Variants in FIGN observed in about 807,000 individuals in gnomAD.
FIGN encodes fidgetin, microtubule severing factor, also known as fidgetin.
Under a neutral mutation model 51.3 loss-of-function variants are expected in FIGN, and 11 were observed. That is an observed-to-expected ratio of 0.21 (90% CI 0.13 to 0.35). The LOEUF (loss-of-function observed/expected upper bound fraction) is 0.35. FIGN is among the 10% of genes least tolerant of loss of function. The pLI is 1.00. For synonymous variants in FIGN, 407 were observed against 363.2 expected (o/e 1.12, Z -1.37); for missense variants, 857 against 943.6 (o/e 0.91, Z 1.20).
chr2:163,623,214 G>A (rs1683001159), intron 2 of FIGN, among the ~76,000 whole-genome samples: 1 of 152,076 alleles, frequency 6.6e-6, no homozygotes, highest in Admixed American at 6.6e-5. Flanking sequence ...TGCTTTACTA[G>A]CTTTATTATA....
rs71297448 is a variant in FIGN at position 163,629,952 on chromosome 2, C to CTTTTTTTT, written c.26-18154_26-18147dup. ...CCAACATAGGGTGAAGAAAGGGGCA[C>CTTTTTTTT]TTTTTTTTTTTTTTTTTTTTTTTTT... On this transcript the variant is annotated intron_variant, in intron 2 of 2. Coordinates refer to ENST00000333129, the MANE Select transcript of FIGN (RefSeq NM_018086.4). Among the ~76,000 whole-genome samples, 29 of 56,930 alleles carry CTTTTTTTT rather than the reference C, an allele frequency of 5.1e-4. 2 individuals carry two copies. Among genetic ancestry groups the CTTTTTTTT allele is most frequent in the African/African-American group, 1.9e-3 (25 of 13,352 alleles). 37.3% of individuals were successfully genotyped at this position (56,930 alleles called of 152,430 possible).
intron 2 of FIGN, among the ~76,000 whole-genome samples, chr2:163,734,349 CA>C (rs564418276): frequency 2.1e-4 from 30 of 144,226 alleles, no homozygotes; most frequent in African/African-American, 6.4e-4. Context: ...CCGCCCCCCC[CA>C]AAAAAAAACC....
In FIGN at chr2:163,610,536, G is replaced by A. The variant is rs776521695; in HGVS notation, c.1296C>T (p.Asp432=). 3.7e-6 allele frequency: 6 copies of A among 1,614,022 alleles called. No homozygotes were observed. Among genetic ancestry groups the A allele is most frequent in the East Asian group, 4.5e-5 (2 of 44,886 alleles). Residue 432 remains aspartate, a synonymous_variant, in exon 3 of 3, where the codon GAC becomes GAT. Transcript: ENST00000333129. ...YTSPVMSEHG[D]EHRQLLSHPM... The stretch of plus-strand genomic sequence containing the variant: ...GGTGAGAGAGGAGCTGCCTGTGCTC[G>A]TCCCCATGCTCACTCATTACTGGCG...
intron 2 of FIGN, among the ~76,000 whole-genome samples, chr2:163,616,944 T>C (rs908992182): frequency 1.3e-5 from 2 of 152,096 alleles, no homozygotes; most frequent in African/African-American, 2.4e-5. Flanking sequence ...GAAAGAAGGA[T>C]TGTACACCTC....
chr2:163,701,889 G>A (rs918575832), intron 2 of FIGN, among the ~76,000 whole-genome samples: 4 of 152,070 alleles, frequency 2.6e-5, no homozygotes, highest in African/African-American at 9.7e-5. Context: ...AGCACCTTCT[G>A]GTGTAAGTAC....
At chr2:163,639,617 G>A (rs1313549663) in intron 2 of FIGN, among the ~76,000 whole-genome samples, 1 of 152,088 alleles carries the variant, frequency 6.6e-6, no homozygotes, top group Non-Finnish European at 1.5e-5. Context: ...ATTTCCAAAA[G>A]AGCCGTGAAA....
intron 2 of FIGN, among the ~76,000 whole-genome samples, chr2:163,712,518 T>A (rs1361230627): frequency 6.6e-6 from 1 of 152,298 alleles, no homozygotes; most frequent in African/African-American, 2.4e-5. Context: ...GTAAGACATA[T>A]AATCAAATAC....
chr2:163,664,217 C>G (rs1055167166), intron 2 of FIGN, among the ~76,000 whole-genome samples: 2 of 152,094 alleles, frequency 1.3e-5, no homozygotes, highest in Admixed American at 6.5e-5. Flanking sequence ...CTCCTACCCC[C>G]CTTTAAAAAG....
chr2:163,619,832 G>A (rs780420117), intron 2 of FIGN, among the ~76,000 whole-genome samples: 15 of 151,910 alleles, frequency 9.9e-5, no homozygotes, highest in Non-Finnish European at 1.8e-4. Flanking sequence ...TATACTTAAA[G>A]TATACAAGTG....
chr2:163,696,834 ATT>A (rs773678447), intron 2 of FIGN, among the ~76,000 whole-genome samples: 95 of 135,632 alleles, frequency 7.0e-4, no homozygotes, highest in African/African-American at 1.4e-3. Context: ...TGTCTGGCTA[ATT>A]TTTTTTTTTT....
At chr2:163,724,381 AT>A (rs1340629815) in intron 2 of FIGN, among the ~76,000 whole-genome samples, 1 of 152,306 alleles carries the variant, frequency 6.6e-6, no homozygotes, top group Admixed American at 6.5e-5. Flanking sequence ...GAAGAATGAC[AT>A]TTTTTTAAAA....
chr2:163,711,879 CCTGGTTATT>C (rs2105357127), intron 2 of FIGN, among the ~76,000 whole-genome samples: 1 of 152,214 alleles, frequency 6.6e-6, no homozygotes, highest in South Asian at 2.1e-4. Flanking sequence ...TGCTAACGCT[CCTGGTTATT>C]CTGTTGCTAG....
intron 2 of FIGN, among the ~76,000 whole-genome samples, chr2:163,697,642 T>A (rs1413515139): frequency 1.3e-5 from 2 of 152,156 alleles, no homozygotes; most frequent in Non-Finnish European, 2.9e-5. Flanking sequence ...GGAGAGGCAC[T>A]AGGAGGTCAA....
chr2:163,721,679 C>T (rs954205829), intron 2 of FIGN, among the ~76,000 whole-genome samples: 12 of 152,098 alleles, frequency 7.9e-5, no homozygotes, highest in African/African-American at 2.9e-4. Flanking sequence ...CTTTCTTCTG[C>T]GTAGAGTGTA....
At chr2:163,734,107 T>C (rs1325581872) in intron 2 of FIGN, among the ~76,000 whole-genome samples, 1 of 150,796 alleles carries the variant, frequency 6.6e-6, no homozygotes, top group Non-Finnish European at 1.5e-5. Context: ...CTCACTCCAT[T>C]TAACTGACTT....
intron 2 of FIGN, among the ~76,000 whole-genome samples, chr2:163,714,588 C>G (rs192931443): frequency 6.6e-6 from 1 of 152,280 alleles, no homozygotes; most frequent in Admixed American, 6.5e-5. Context: ...GACCAATTAC[C>G]TGGATTACCA....
chr2:163,689,491 TTAACAAAGTAAATATATGCC>T (rs1265496010), intron 2 of FIGN, among the ~76,000 whole-genome samples: 1 of 152,096 alleles, frequency 6.6e-6, no homozygotes, highest in Non-Finnish European at 1.5e-5. Flanking sequence ...AATTTTAATT[TTAACAAAGTAAATATATGCC>T]TAACAAAGAA....
rs1238125342 is a variant in FIGN at position 163,660,878 on chromosome 2, TA to T, written c.26-49073del. ...GTATACATATATATATATATATATA[TA>T]TTTTTTTTTTTTTTTTTTTTTTTTT... is the stretch of plus-strand genomic sequence containing the variant. On this transcript the variant is annotated intron_variant, in intron 2 of 2. Coordinates refer to ENST00000333129, the MANE Select transcript of FIGN (RefSeq NM_018086.4). Among the ~76,000 whole-genome samples, 63 of 13,470 alleles carry T rather than the reference TA, an allele frequency of 4.7e-3. 10 individuals are homozygous for T. The highest frequency in any genetic ancestry group is 9.4e-3 in the African/African-American group (49 of 5,232). 8.8% of individuals were successfully genotyped at this position (13,470 alleles called of 152,430 possible). A position where few individuals can be genotyped will look rare whatever the true frequency, so the allele number is the denominator to read the frequency against.
At chr2:163,723,104 T>C (rs562829010) in intron 2 of FIGN, among the ~76,000 whole-genome samples, 22 of 151,806 alleles carry the variant, frequency 1.4e-4, no homozygotes, top group Non-Finnish European at 2.8e-4. Context: ...GGCAGGAGAA[T>C]GGCGTGAACC....
Sources: allele counts gnomAD v4.1 joint callset (sites outside exome capture counted in the v4.1 genomes callset), GRCh38; gene constraint gnomAD v4.1.1; transcripts MANE v1.5; gene names NCBI Gene and HGNC (gene_info 2026-07-23, HGNC 2026-07-21).